The following SH3D19 variants were observed in gnomAD, a reference collection of about 807,000 sequenced individuals.
The protein encoded by SH3D19 is SH3 domain-containing protein 19.
SH3D19 carries 58 observed loss-of-function variants against 112.1 expected under a neutral mutation model. The ratio of observed to expected loss-of-function variants is 0.52; its 90% CI spans 0.42 to 0.64. SH3D19 has a LOEUF of 0.64. SH3D19 is among the 30% of genes least tolerant of loss of function. The probability of loss-of-function intolerance (pLI) is 0.00; values close to 1 mark genes in which losing one functional copy is unlikely to be tolerated. For missense variants in SH3D19, 1,090 were observed against 1,263.4 expected, an observed-to-expected ratio of 0.86 and a Z score of 2.08; for synonymous variants, 391 against 448.5, an observed-to-expected ratio of 0.87 and a Z score of 1.62.
chr4:151,161,217 A>C (rs1362047980), intron 8 of SH3D19, among the ~76,000 whole-genome samples: 1 of 152,158 alleles, frequency 6.6e-6, no homozygotes, highest in Non-Finnish European at 1.5e-5. Flanking sequence ...GGAGCCTTGC[A>C]GACATCTGGG....
At chr4:151,187,749 C>T (rs892569460) in intron 2 of SH3D19, among the ~76,000 whole-genome samples, 2 of 152,164 alleles carry the variant, frequency 1.3e-5, no homozygotes, top group African/African-American at 4.8e-5. Flanking sequence ...GGATACCACT[C>T]GTAATTAGAC....
chr4:151,304,269 C>G (rs1452433673), intron 1 of SH3D19, among the ~76,000 whole-genome samples: 2 of 152,172 alleles, frequency 1.3e-5, no homozygotes, highest in Non-Finnish European at 1.5e-5. Context: ...CTTTTCAGAA[C>G]TCTAGAAACC....
intron 1 of SH3D19, 114 bp from the exon 2 acceptor site, chr4:151,226,200 G>A (rs532641951): frequency 8.1e-7 from 1 of 1,227,888 alleles, no homozygotes; most frequent in Non-Finnish European, 1.0e-6. Flanking sequence ...TTCAAAGGTA[G>A]TTGTGTCTTC....
At chr4:151,304,167 A>G (rs1728720844) in intron 1 of SH3D19, among the ~76,000 whole-genome samples, 1 of 152,066 alleles carries the variant, frequency 6.6e-6, no homozygotes, top group Non-Finnish European at 1.5e-5. Flanking sequence ...GACATATCTG[A>G]GTGACATCAG....
At chr4:151,196,190 G>C (rs1763441410) in intron 2 of SH3D19, among the ~76,000 whole-genome samples, 1 of 152,052 alleles carries the variant, frequency 6.6e-6, no homozygotes, top group Non-Finnish European at 1.5e-5. Context: ...GGCCCATCAA[G>C]GTCCATATTT....
intron 1 of SH3D19, chr4:151,280,100 G>A (rs1215474566): frequency 4.9e-5 from 47 of 963,392 alleles, no homozygotes; most frequent in Non-Finnish European, 5.6e-5. Context: ...TATCAAACCC[G>A]AAACAACTAG....
chr4:151,295,104 G>A (rs994650044), intron 1 of SH3D19, among the ~76,000 whole-genome samples: 1 of 152,194 alleles, frequency 6.6e-6, no homozygotes, highest in African/African-American at 2.4e-5. Flanking sequence ...AGGGAGCAGG[G>A]GCCAGGTCCT....
At chr4:151,312,986 G>A (rs1729618180) in intron 1 of SH3D19, among the ~76,000 whole-genome samples, 1 of 151,690 alleles carries the variant, frequency 6.6e-6, no homozygotes, top group Non-Finnish European at 1.5e-5. Context: ...CTACTTGGGA[G>A]GCTGAGGTAT....
At chr4:151,230,388 T>G (rs1769516250) in intron 1 of SH3D19, among the ~76,000 whole-genome samples, 1 of 152,202 alleles carries the variant, frequency 6.6e-6, no homozygotes, top group Admixed American at 6.5e-5. Context: ...TAGAATCTGT[T>G]GTAAGACATT....
At chr4:151,274,516 T>G (rs933904063) in intron 1 of SH3D19, among the ~76,000 whole-genome samples, 1 of 152,136 alleles carries the variant, frequency 6.6e-6, no homozygotes, top group Admixed American at 6.5e-5. Flanking sequence ...GAACTGAAAA[T>G]AGGGAACAAC....
At chr4:151,299,310 G>A (rs1403035589) in intron 1 of SH3D19, among the ~76,000 whole-genome samples, 1 of 152,222 alleles carries the variant, frequency 6.6e-6, no homozygotes, top group East Asian at 1.9e-4. Flanking sequence ...GCTGGGCGCA[G>A]TGGCTCACGC....
chr4:151,318,279 C>T (rs186084365), intron 1 of SH3D19, among the ~76,000 whole-genome samples: 3 of 123,604 alleles, frequency 2.4e-5, no homozygotes, highest in Non-Finnish European at 4.7e-5. Flanking sequence ...CCAGCCTAGG[C>T]GACAGAGTGA....
intron 14 of SH3D19, among the ~76,000 whole-genome samples, chr4:151,135,719 G>A (rs1056623693): frequency 3.3e-5 from 5 of 151,960 alleles, no homozygotes; most frequent in Non-Finnish European, 5.9e-5. Flanking sequence ...GTGAGCTGCC[G>A]CACCCTGCCA....
chr4:151,324,796 A>G (rs2126421350), intron 1 of SH3D19, among the ~76,000 whole-genome samples: 1 of 151,972 alleles, frequency 6.6e-6, no homozygotes, highest in South Asian at 2.1e-4. Flanking sequence ...GGGGGGTCAC[A>G]GGTCCGAAGT....
chr4:151,306,439 T>C (rs1004651033), intron 1 of SH3D19, among the ~76,000 whole-genome samples: 1 of 152,180 alleles, frequency 6.6e-6, no homozygotes, highest in African/African-American at 2.4e-5. Flanking sequence ...ACATATTTAG[T>C]ATAAATAAAT....
At chr4:151,184,917 C>T (rs1028754486) in intron 3 of SH3D19, among the ~76,000 whole-genome samples, 1 of 152,046 alleles carries the variant, frequency 6.6e-6, no homozygotes. Context: ...CTCCTAAGTG[C>T]CAGACACAAT....
At chr4:151,173,840 T>C (rs1759477483) in intron 7 of SH3D19, among the ~76,000 whole-genome samples, 1 of 152,234 alleles carries the variant, frequency 6.6e-6, no homozygotes, top group African/African-American at 2.4e-5. Context: ...ATTAAGTTTA[T>C]ATGTTCACAA....
chr4:151,148,249 T>C (rs1754280580), intron 10 of SH3D19, 63 bp from the exon 11 acceptor site: 2 of 1,342,248 alleles, frequency 1.5e-6, no homozygotes, highest in African/African-American at 2.1e-5. Flanking sequence ...TGTCCTGTCC[T>C]GTCTTACACA....
At chr4:151,303,069 G>A (rs753797732) in intron 1 of SH3D19, among the ~76,000 whole-genome samples, 132 of 152,328 alleles carry the variant, frequency 8.7e-4, no homozygotes, top group Middle Eastern at 3.4e-3. Context: ...CTCTAGAACA[G>A]GTTCTGTTGG....
Sources: gnomAD v4.1 joint callset for allele counts (sites outside exome capture counted in the v4.1 genomes callset) on GRCh38, gnomAD v4.1.1 for gene constraint, MANE v1.5 for transcripts, NCBI Gene and HGNC (gene_info 2026-07-23, HGNC 2026-07-21) for gene names.